Variants in RAP1A observed in about 807,000 individuals in gnomAD.
RAP1A encodes RAP1A, member of RAS oncogene family.
RAP1A carries 6 observed loss-of-function variants against 26.4 expected under a neutral mutation model. The ratio of observed to expected loss-of-function variants is 0.23; its 90% CI spans 0.12 to 0.45. The LOEUF (loss-of-function observed/expected upper bound fraction) is 0.45, where lower values mean the gene tolerates loss of function less well. RAP1A is among the 20% of genes least tolerant of loss of function. RAP1A has a pLI of 0.99. For synonymous variants in RAP1A, 73 were observed against 79.4 expected (o/e 0.92, Z 0.43); for missense variants, 121 against 217.2 (o/e 0.56, Z 2.78).
chr1:111,620,060 C>T (rs892351847), intron 1 of RAP1A, 126 bp downstream of exon 1: 42 of 393,310 alleles, frequency 1.1e-4, no homozygotes, highest in African/African-American at 8.5e-4. Flanking sequence ...CCTCCGCGTT[C>T]CATCGGTGTC....
At chr1:111,657,239 C>G (rs1660490359) in intron 1 of RAP1A, among the ~76,000 whole-genome samples, 1 of 152,124 alleles carries the variant, frequency 6.6e-6, no homozygotes, top group Non-Finnish European at 1.5e-5. Flanking sequence ...TATATCTTTC[C>G]CCATGTGGGT....
chr1:111,706,455 C>CATAT (rs145638494), intron 6 of RAP1A, among the ~76,000 whole-genome samples: 45 of 149,762 alleles, frequency 3.0e-4, no homozygotes, highest in African/African-American at 7.1e-4. Context: ...CTAATTCATT[C>CATAT]ATATATATAT....
At chr1:111,636,888 ATCTC>A (rs1659744648) in intron 1 of RAP1A, among the ~76,000 whole-genome samples, 1 of 152,144 alleles carries the variant, frequency 6.6e-6, no homozygotes. Flanking sequence ...AATTTTTTAA[ATCTC>A]TCAGGCCAAA....
chr1:111,622,124 GATT>G (rs1659229723), intron 1 of RAP1A, among the ~76,000 whole-genome samples: 1 of 152,204 alleles, frequency 6.6e-6, no homozygotes, highest in Non-Finnish European at 1.5e-5. Flanking sequence ...TAGAAGTGAA[GATT>G]ATTAATCTCC....
rs908722145 is a variant in RAP1A at position 111,714,133 on chromosome 1, A to G, written c.*1732A>G. 1.3e-5 allele frequency: 2 copies of G among 152,166 alleles called. No individual in the cohort carries two copies. Among genetic ancestry groups the G allele is most frequent in the Non-Finnish European group, 2.9e-5 (2 of 68,008 alleles). 9.4% of individuals were successfully genotyped at this position (152,166 alleles called of 1,614,324 possible). Reference sequence around the variant, plus strand: ...TAAAGTATTGTTTTTAAAAAAATGGAAATTTTTTTTGTTTGTGTTTTTGTT... The same window carrying G: ...TAAAGTATTGTTTTTAAAAAAATGGGAATTTTTTTTGTTTGTGTTTTTGTT... On this transcript the variant is annotated 3_prime_UTR_variant, in exon 8 of 8. Coordinates refer to ENST00000369709, the MANE Select transcript of RAP1A (RefSeq NM_002884.4).
chr1:111,704,645 T>C (rs1662129042), intron 6 of RAP1A, among the ~76,000 whole-genome samples, 159 bp downstream of exon 6: 1 of 152,222 alleles, frequency 6.6e-6, no homozygotes, highest in Non-Finnish European at 1.5e-5. Context: ...ATTTTTTAGC[T>C]TGCATAAGGT....
chr1:111,575,205 G>A (rs897064928), intron 1 of RAP1A, among the ~76,000 whole-genome samples: 4 of 151,926 alleles, frequency 2.6e-5, no homozygotes, highest in Middle Eastern at 3.4e-3. Context: ...CTGGAGTGCA[G>A]TGGCATGATC....
chr1:111,627,578 T>A (rs1659438283), intron 1 of RAP1A: 1 of 152,106 alleles, frequency 6.6e-6, no homozygotes, highest in Non-Finnish European at 1.5e-5. Context: ...GTTTTTACAA[T>A]CTTTGCCAAT....
intron 1 of RAP1A, among the ~76,000 whole-genome samples, chr1:111,584,441 G>A (rs1305607996): frequency 3.3e-5 from 5 of 152,072 alleles, no homozygotes; most frequent in Non-Finnish European, 7.4e-5. Flanking sequence ...TTCATAGATG[G>A]TGCCTTCTGT....
At chr1:111,546,119 T>A (rs1355398541) in intron 1 of RAP1A, among the ~76,000 whole-genome samples, 1 of 152,186 alleles carries the variant, frequency 6.6e-6, no homozygotes, top group Non-Finnish European at 1.5e-5. Context: ...CATTTCCACA[T>A]GGATTTTAGG....
chr1:111,589,517 C>A (rs1164346587), intron 1 of RAP1A, among the ~76,000 whole-genome samples: 2 of 152,176 alleles, frequency 1.3e-5, no homozygotes, highest in African/African-American at 4.8e-5. Flanking sequence ...CTCCTAAACA[C>A]TCCCTGAAAA....
chr1:111,562,313 A>C (rs1255592804), intron 1 of RAP1A, among the ~76,000 whole-genome samples: 1 of 152,172 alleles, frequency 6.6e-6, no homozygotes, highest in Non-Finnish European at 1.5e-5. Flanking sequence ...CTGTTTCCTC[A>C]ACCATAATAG....
intron 1 of RAP1A, among the ~76,000 whole-genome samples, chr1:111,599,283 G>A (rs963508350): frequency 3.9e-5 from 6 of 152,126 alleles, no homozygotes; most frequent in African/African-American, 1.4e-4. Context: ...TCGGCTCACT[G>A]TAACCTCTGC....
chr1:111,561,076 T>C (rs1202797369), intron 1 of RAP1A, among the ~76,000 whole-genome samples: 2 of 152,148 alleles, frequency 1.3e-5, no homozygotes, highest in Non-Finnish European at 2.9e-5. Flanking sequence ...AAGAAAATAA[T>C]AGGACTTTCC....
At chr1:111,710,993 G>A (rs1395679332) in intron 7 of RAP1A, among the ~76,000 whole-genome samples, 2 of 152,112 alleles carry the variant, frequency 1.3e-5, no homozygotes, top group Non-Finnish European at 2.9e-5. Context: ...CACCATGCCT[G>A]GCTAATTTTT....
intron 2 of RAP1A, among the ~76,000 whole-genome samples, chr1:111,692,170 G>GA (rs1260515944): frequency 6.6e-6 from 1 of 152,148 alleles, no homozygotes; most frequent in Non-Finnish European, 1.5e-5. Flanking sequence ...TTGATATGGG[G>GA]ACTAGGAGAG....
intron 1 of RAP1A, among the ~76,000 whole-genome samples, chr1:111,580,790 T>C (rs1167895019): frequency 6.6e-6 from 1 of 151,406 alleles, no homozygotes; most frequent in Non-Finnish European, 1.5e-5. Context: ...GAGGTTGTAA[T>C]GAGCCGAGAT....
intron 1 of RAP1A, among the ~76,000 whole-genome samples, chr1:111,547,483 T>TTC (rs1657076133): frequency 6.6e-6 from 1 of 152,108 alleles, no homozygotes; most frequent in Non-Finnish European, 1.5e-5. Context: ...AAAATGGAGT[T>TTC]AAAAAATATA....
intron 1 of RAP1A, among the ~76,000 whole-genome samples, chr1:111,579,434 G>A (rs1056986302): frequency 1.3e-5 from 2 of 152,206 alleles, no homozygotes; most frequent in African/African-American, 4.8e-5. Flanking sequence ...GGGAAAGGGA[G>A]CCAACATGTA....
Sources: gnomAD v4.1 joint callset for allele counts (sites outside exome capture counted in the v4.1 genomes callset) on GRCh38, gnomAD v4.1.1 for gene constraint, MANE v1.5 for transcripts, NCBI Gene and HGNC (gene_info 2026-07-23, HGNC 2026-07-21) for gene names.